Variants in RBAK observed in about 807,000 individuals in gnomAD.
RBAK encodes the protein RB associated KRAB zinc finger.
A neutral mutation model predicts 65.8 loss-of-function variants in RBAK; 39 were observed. That is an observed-to-expected ratio of 0.59 (90% CI 0.46 to 0.77). The LOEUF is 0.77. RBAK is among the 30% of genes least tolerant of loss of function. The probability of loss-of-function intolerance (pLI) is 0.00; values close to 1 mark genes in which losing one functional copy is unlikely to be tolerated. For missense variants in RBAK, 884 were observed against 855.1 expected, an observed-to-expected ratio of 1.03 and a Z score of -0.42; for synonymous variants, 343 against 289.7, an observed-to-expected ratio of 1.18 and a Z score of -1.87.
intron 4 of RBAK, among the ~76,000 whole-genome samples, chr7:5,062,666 C>G (rs554483490): frequency 5.9e-5 from 9 of 152,294 alleles, no homozygotes; most frequent in Admixed American, 3.3e-4. Flanking sequence ...CCTAATAAGC[C>G]TGGGAGCACT....
At position 5,069,158 on chromosome 7, in the gene RBAK, C is replaced by G. The variant is rs1020838315; in HGVS notation, c.*3557C>G. 2.0e-5 allele frequency: 3 copies of G among 152,250 alleles called. No homozygotes were observed. Among genetic ancestry groups the G allele is most frequent in the East Asian group, 1.9e-4 (1 of 5,186 alleles). 9.4% of individuals were successfully genotyped at this position (152,250 alleles called of 1,614,324 possible). ...GTGTTAAACTTTCCATAAAAGTTTTCTAAAATCACAAATGGCTAACATTTG... is the reference window on the plus strand; with the variant it reads ...GTGTTAAACTTTCCATAAAAGTTTTGTAAAATCACAAATGGCTAACATTTG... On this transcript the variant is annotated 3_prime_UTR_variant, in exon 5 of 5. Coordinates refer to ENST00000396912, the MANE Select transcript of RBAK (RefSeq NM_021163.4).
At chr7:5,063,605 A>G (rs1779133512) in intron 4 of RBAK, 90 bp from the exon 5 acceptor site, 4 of 1,033,452 alleles carry the variant, frequency 3.9e-6, no homozygotes, top group African/African-American at 1.6e-5. Context: ...GCCAGAGTCA[A>G]CCCCACAATG....
In RBAK at chr7:5,048,480, C is replaced by T. The variant is rs974662301; in HGVS notation, c.15+389C>T. Among the ~76,000 whole-genome samples, 1 of 152,158 alleles carries T rather than the reference C, an allele frequency of 6.6e-6. No individual in the cohort carries two copies. The highest frequency in any genetic ancestry group is 2.4e-5 in the African/African-American group (1 of 41,440). On this transcript the variant is annotated intron_variant, in intron 2 of 4. Coordinates refer to ENST00000396912, the MANE Select transcript of RBAK (RefSeq NM_021163.4). The surrounding 1 kb of genome is among the most constrained non-coding windows in gnomAD (Gnocchi z 4.4). Reference sequence around the variant, plus strand: ...TGAGCCACCGCGCCCAGCCAGGATTCATACTTTAAAATGGGAATGTGGAAA... The same window carrying T: ...TGAGCCACCGCGCCCAGCCAGGATTTATACTTTAAAATGGGAATGTGGAAA...
chr7:5,049,330 A>G (rs1160516265), intron 2 of RBAK, among the ~76,000 whole-genome samples: 1 of 152,196 alleles, frequency 6.6e-6, no homozygotes, highest in Non-Finnish European at 1.5e-5. Flanking sequence ...TTTACTGTTG[A>G]GTCCTAGATC....
At chr7:5,046,764 G>A (rs999423850) in intron 1 of RBAK, among the ~76,000 whole-genome samples, 6 of 152,136 alleles carry the variant, frequency 3.9e-5, no homozygotes, top group Admixed American at 3.9e-4. Context: ...ATCTGCCCTG[G>A]AGACTGGTAG....
intron 1 of RBAK, 149 bp from the exon 2 acceptor site, chr7:5,047,884 A>C: frequency 2.0e-6 from 1 of 501,144 alleles, no homozygotes; most frequent in Non-Finnish European, 3.4e-6. Context: ...ACCCTGTATC[A>C]CTCTTTTAGG....
At chr7:5,050,020 A>G (rs747045418) in intron 2 of RBAK, among the ~76,000 whole-genome samples, 31 of 152,066 alleles carry the variant, frequency 2.0e-4, no homozygotes, top group Admixed American at 5.9e-4. Context: ...CTCCCAGCCT[A>G]GAGATGTATT....
intron 2 of RBAK, among the ~76,000 whole-genome samples, chr7:5,050,994 T>G (rs990852646): frequency 1.3e-5 from 2 of 152,182 alleles, no homozygotes; most frequent in African/African-American, 4.8e-5. Flanking sequence ...TTGTTACCAT[T>G]ATGAGCTCGT....
intron 1 of RBAK, among the ~76,000 whole-genome samples, chr7:5,047,601 C>CTTTTTTTTTTTTTT: frequency 2.0e-5 from 2 of 100,908 alleles, no homozygotes; most frequent in Non-Finnish European, 4.0e-5. Flanking sequence ...TTTTCACTCT[C>CTTTTTTTTTTTTTT]TTTTTTTTTT....
chr7:5,064,219 C>T lies in RBAK; in HGVS notation c.763C>T (p.Gln255Ter). 6.2e-7 allele frequency: 1 copy of T among 1,613,958 alleles called. No individual in the cohort carries two copies. Among genetic ancestry groups the T allele is most frequent in the African/African-American group, 1.3e-5 (1 of 75,020 alleles). The stretch of plus-strand genomic sequence containing the variant: ...AAATTTTAATGCATATCAGAGATCA[C>T]AAATGGAAATGAAGCCCTTTGAATG... ...MSNFNAYQRS[Q>*]MEMKPFECSE... Residue 255 changes from glutamine (Q) to a stop codon, truncating the protein, a stop_gained, in exon 5 of 5, where the codon CAA (glutamine) becomes TAA (stop). Transcript: ENST00000396912. LOFTEE classifies it high-confidence loss of function. The surrounding 1 kb of genome is among the most constrained non-coding windows in gnomAD (Gnocchi z 6.3).
chr7:5,067,055 C>T lies in RBAK; in HGVS notation c.*1454C>T, dbSNP rs4585633. 0.55 allele frequency: 82,851 copies of T among 151,970 alleles called. 23,232 individuals carry two copies. The highest frequency in any genetic ancestry group is 0.68 in the African/African-American group (27,989 of 41,462). 9.4% of individuals were successfully genotyped at this position (151,970 alleles called of 1,614,324 possible). On this transcript the variant is annotated 3_prime_UTR_variant, in exon 5 of 5. Coordinates refer to ENST00000396912, the MANE Select transcript of RBAK (RefSeq NM_021163.4). ...GATGGATTGAAAGGGACTTACTTAACTGCATAAAGAGACTTAAACTACAAC... is the reference window on the plus strand; with the variant it reads ...GATGGATTGAAAGGGACTTACTTAATTGCATAAAGAGACTTAAACTACAAC...
At chr7:5,046,431 G>A (rs1262541488) in intron 1 of RBAK, 35 bp downstream of exon 1, 2 of 507,380 alleles carry the variant, frequency 3.9e-6, no homozygotes, top group African/African-American at 3.9e-5. Context: ...GAGCGAGAAG[G>A]GCCTGAGTGA....
In RBAK at chr7:5,046,096, G is replaced by T; in HGVS notation, c.-345G>T. 1 of 312,040 alleles carries T rather than the reference G, an allele frequency of 3.2e-6. No homozygotes were observed. Among genetic ancestry groups the T allele is most frequent in the South Asian group, 2.4e-5 (1 of 42,046 alleles). The allele number at this position is 312,040 out of a possible 1,614,324, so 19.3% of individuals were successfully genotyped here. On this transcript the variant is annotated 5_prime_UTR_variant, in exon 1 of 5. Transcript: ENST00000396912. Reference sequence around the variant, plus strand: ...GGCGCTGGGGCCAGAGGGGCCGGACGGGAGGTGGCGGAGGTGGCGGCGGAG... The same window carrying T: ...GGCGCTGGGGCCAGAGGGGCCGGACTGGAGGTGGCGGAGGTGGCGGCGGAG...
chr7:5,059,839 A>G (rs1242612022), intron 4 of RBAK, among the ~76,000 whole-genome samples: 1 of 152,170 alleles, frequency 6.6e-6, no homozygotes, highest in Non-Finnish European at 1.5e-5. Context: ...CTGTGATTAT[A>G]TGCTCTGATA....
chr7:5,064,746 G>T lies in RBAK; in HGVS notation c.1290G>T (p.Gln430His). The change falls in exon 5 of 5, where the codon CAG becomes CAT. Residue 430 changes from glutamine to histidine, a missense_variant. By Grantham distance (24) the Gln-to-His change is conservative. Transcript: ENST00000396912. This position sits in a 1 kb window ranked among gnomAD's most constrained non-coding sequence, Gnocchi z 6.3. ...CACACACGGGAGAGAAGCCCTATCA[G>T]TGTAGCGAGTGTGGGAAATTCTTTT... ...QRTHTGEKPY[Q>H]CSECGKFFSR... The T allele has an allele frequency of 6.2e-7, 1 of 1,613,944 alleles. No homozygotes were observed. The highest frequency in any genetic ancestry group is 8.5e-7 in the Non-Finnish European group (1 of 1,179,904).
chr7:5,068,775 T>G lies in RBAK; in HGVS notation c.*3174T>G, dbSNP rs568699333. The G allele has an allele frequency of 7.2e-4, 110 of 152,306 alleles. 2 individuals carry two copies. The highest frequency in any genetic ancestry group is 2.5e-3 in the African/African-American group (102 of 41,562). The allele number at this position is 152,306 out of a possible 1,614,324, so 9.4% of individuals were successfully genotyped here. On this transcript the variant is annotated 3_prime_UTR_variant, in exon 5 of 5. Coordinates refer to ENST00000396912, the MANE Select transcript of RBAK (RefSeq NM_021163.4). The stretch of plus-strand genomic sequence containing the variant: ...AAAACTGCACAAAACAGAACTATCT[T>G]AAGGCACATGTGCAATGGAATGAAT...
rs998934630 is a variant in RBAK at position 5,066,595 on chromosome 7, A to C, written c.*994A>C. The C allele has an allele frequency of 1.3e-5, 2 of 152,134 alleles. No homozygotes were observed. Among genetic ancestry groups the C allele is most frequent in the Non-Finnish European group, 2.9e-5 (2 of 68,000 alleles). 9.4% of individuals were successfully genotyped at this position (152,134 alleles called of 1,614,324 possible). ...TATTCACAAACTTCTGTTTGGTACA[A>C]ATACAGTGTCATTGTTTTGTGCATT... is the stretch of plus-strand genomic sequence containing the variant. On this transcript the variant is annotated 3_prime_UTR_variant, in exon 5 of 5. Transcript: ENST00000396912.
intron 1 of RBAK, among the ~76,000 whole-genome samples, chr7:5,046,746 C>A (rs1247564501): frequency 6.6e-6 from 1 of 152,172 alleles, no homozygotes; most frequent in Admixed American, 6.5e-5. Flanking sequence ...TGCTGATTCC[C>A]CCCTTAGATC....
chr7:5,052,236 G>A (rs1030668401), intron 2 of RBAK, among the ~76,000 whole-genome samples: 5 of 152,052 alleles, frequency 3.3e-5, no homozygotes, highest in African/African-American at 9.7e-5. Context: ...TAACGTATTT[G>A]CATCTTTATA....
Sources: gnomAD v4.1 joint callset for allele counts (sites outside exome capture counted in the v4.1 genomes callset) on GRCh38, gnomAD v4.1.1 for gene constraint, Gnocchi (gnomAD v3.1) non-coding constraint, MANE v1.5 for transcripts, NCBI Gene and HGNC (gene_info 2026-07-23, HGNC 2026-07-21) for gene names.